Variants in CNTNAP2 observed in about 807,000 individuals in gnomAD.
The protein encoded by CNTNAP2 is contactin associated protein 2.
In CNTNAP2, 98 loss-of-function variants were observed where a neutral mutation model predicts 155.2. The ratio of observed to expected loss-of-function variants is 0.63; its 90% CI spans 0.54 to 0.75. The LOEUF (loss-of-function observed/expected upper bound fraction) is 0.75. Among genes scored for constraint, CNTNAP2 ranks in the 30% least tolerant of loss-of-function variants. The pLI is 0.00. For synonymous variants in CNTNAP2, 651 were observed against 631.2 expected (o/e 1.03, Z -0.47); for missense variants, 1,727 against 1,688.1 (o/e 1.02, Z -0.40).
intron 11 of CNTNAP2, among the ~76,000 whole-genome samples, chr7:147,547,613 T>C (rs1799763549): frequency 7.2e-6 from 1 of 138,698 alleles, no homozygotes. Flanking sequence ...TTTTTTGTTT[T>C]GTCTTTATTT....
rs143209794 is a variant in CNTNAP2, at chr7:147,274,233, G to T, written c.1349-25908G>T. Among the ~76,000 whole-genome samples, 437 of 152,122 alleles carry T rather than the reference G, an allele frequency of 2.9e-3. 3 individuals are homozygous for T. The highest frequency in any genetic ancestry group is 6.4e-3 in the East Asian group (33 of 5,166). On this transcript the variant is annotated intron_variant, in intron 8 of 23. Coordinates refer to ENST00000361727, the MANE Select transcript of CNTNAP2 (RefSeq NM_014141.6). The stretch of plus-strand genomic sequence containing the variant: ...TACATCTTTGAGAGGTCTCCGTATT[G>T]TTTTCCATAGAAGTTGTACTAATTT...
chr7:147,549,654 C>A (rs536216813), intron 11 of CNTNAP2, among the ~76,000 whole-genome samples: 1 of 152,272 alleles, frequency 6.6e-6, no homozygotes, highest in African/African-American at 2.4e-5. Flanking sequence ...AAGACCAATG[C>A]CTCCCATGGC....
intron 4 of CNTNAP2, among the ~76,000 whole-genome samples, chr7:147,093,096 C>T (rs1484621170): frequency 6.7e-6 from 1 of 150,126 alleles, no homozygotes; most frequent in Non-Finnish European, 1.5e-5. Context: ...TATATATTAG[C>T]CGGGCGTGGT....
At chr7:146,605,576 T>C (rs1349058465) in intron 1 of CNTNAP2, among the ~76,000 whole-genome samples, 1 of 152,134 alleles carries the variant, frequency 6.6e-6, no homozygotes, top group Non-Finnish European at 1.5e-5. Context: ...ATAAGAGAGG[T>C]ATGTAAACTC....
chr7:147,270,916 C>T (rs1345195075), intron 8 of CNTNAP2, among the ~76,000 whole-genome samples: 1 of 152,086 alleles, frequency 6.6e-6, no homozygotes, highest in Non-Finnish European at 1.5e-5. Context: ...TGTAGGGATT[C>T]GTAAGTCATT....
chr7:146,620,953 T>G (rs993178147), intron 1 of CNTNAP2, among the ~76,000 whole-genome samples: 8 of 152,308 alleles, frequency 5.3e-5, no homozygotes, highest in Middle Eastern at 3.4e-3. Flanking sequence ...TTATAAAATT[T>G]GTAATATTTA....
At chr7:148,175,781 G>A (rs896446017) in intron 18 of CNTNAP2, among the ~76,000 whole-genome samples, 14 of 152,076 alleles carry the variant, frequency 9.2e-5, no homozygotes, top group Non-Finnish European at 1.9e-4. Flanking sequence ...GGAGAATGGT[G>A]GGCAGACAGC....
chr7:147,376,797 C>G (rs1248562711), intron 9 of CNTNAP2, among the ~76,000 whole-genome samples: 3 of 151,960 alleles, frequency 2.0e-5, no homozygotes, highest in Non-Finnish European at 4.4e-5. Flanking sequence ...CAAATTCAGA[C>G]ACCAGCACCT....
intron 21 of CNTNAP2, among the ~76,000 whole-genome samples, chr7:148,310,522 G>T (rs1797576479): frequency 6.6e-6 from 1 of 152,220 alleles, no homozygotes; most frequent in African/African-American, 2.4e-5. Flanking sequence ...AATAGTAGAG[G>T]CAGAAAGTCC....
Position 148,277,845 on chromosome 7 carries a change from C to T in CNTNAP2, c.3475+10719C>T, listed in dbSNP as rs73170601. On this transcript the variant is annotated intron_variant, in intron 21 of 23. Transcript: ENST00000361727. ...TACTTCCTACAAAAAAAAAAAGCACCATCTAACAAATAGCTCCAAAACTCA... is the reference window on the plus strand; with the variant it reads ...TACTTCCTACAAAAAAAAAAAGCACTATCTAACAAATAGCTCCAAAACTCA... Among the ~76,000 whole-genome samples, 1,122 of 148,210 alleles carry T rather than the reference C, an allele frequency of 7.6e-3. 3 individuals carry two copies. The highest frequency in any genetic ancestry group is 0.02 in the South Asian group (93 of 4,720).
chr7:146,323,693 G>A (rs556134761), intron 1 of CNTNAP2, among the ~76,000 whole-genome samples: 3 of 152,136 alleles, frequency 2.0e-5, no homozygotes, highest in African/African-American at 7.2e-5. Context: ...AGAAACTATA[G>A]GACAAGCATA....
intron 4 of CNTNAP2, among the ~76,000 whole-genome samples, chr7:147,056,972 A>T (rs1028936140): frequency 6.9e-6 from 1 of 144,222 alleles, no homozygotes; most frequent in African/African-American, 2.6e-5. Flanking sequence ...AGATGGGGTT[A>T]TTTTTTTTTT....
At chr7:147,306,467 G>T (rs972212125) in intron 9 of CNTNAP2, among the ~76,000 whole-genome samples, 2 of 152,036 alleles carry the variant, frequency 1.3e-5, no homozygotes, top group African/African-American at 4.8e-5. Context: ...AGAATTGCAA[G>T]GAAACCAATT....
At chr7:148,094,430 T>A (rs565049756) in intron 15 of CNTNAP2, among the ~76,000 whole-genome samples, 1 of 152,220 alleles carries the variant, frequency 6.6e-6, no homozygotes, top group Admixed American at 6.5e-5. Flanking sequence ...TCCTTGCAGA[T>A]GGGGGGCAAA....
intron 1 of CNTNAP2, among the ~76,000 whole-genome samples, chr7:146,217,335 T>A (rs1799130269): frequency 6.6e-6 from 1 of 152,212 alleles, no homozygotes; most frequent in African/African-American, 2.4e-5. Flanking sequence ...CATCACATAC[T>A]CTTTATGACA....
chr7:147,738,061 C>A (rs1386245891), intron 13 of CNTNAP2, among the ~76,000 whole-genome samples: 1 of 152,144 alleles, frequency 6.6e-6, no homozygotes, highest in Admixed American at 6.5e-5. Flanking sequence ...GTGAGATGAA[C>A]CCAGTACCTC....
Position 147,071,364 on chromosome 7 carries a change from C to T in CNTNAP2, c.550+27310C>T, listed in dbSNP as rs577187407. Among the ~76,000 whole-genome samples the T allele has an allele frequency of 5.8e-4, 88 of 150,798 alleles. 1 individual carries two copies. Among genetic ancestry groups the T allele is most frequent in the African/African-American group, 2.0e-3 (81 of 40,606 alleles). On this transcript the variant is annotated intron_variant, in intron 4 of 23. Coordinates refer to ENST00000361727, the MANE Select transcript of CNTNAP2 (RefSeq NM_014141.6). ...AGATGTATACATTCCTCCAACCATA[C>T]TCTGTGGGAACAGCAGCAGGACTGC...
intron 14 of CNTNAP2, among the ~76,000 whole-genome samples, chr7:147,973,125 G>C (rs1241399645): frequency 7.2e-6 from 1 of 139,640 alleles, no homozygotes; most frequent in African/African-American, 2.7e-5. Flanking sequence ...CTGCACTCTG[G>C]CCTGGGCAAC....
At chr7:146,714,031 ATTATTC>A (rs1410906045) in intron 1 of CNTNAP2, among the ~76,000 whole-genome samples, 3 of 152,074 alleles carry the variant, frequency 2.0e-5, no homozygotes, top group African/African-American at 7.2e-5. Flanking sequence ...AAATTGACTC[ATTATTC>A]TTATTATTCT....
Sources: gnomAD v4.1 joint callset for allele counts (sites outside exome capture counted in the v4.1 genomes callset) on GRCh38, gnomAD v4.1.1 for gene constraint, MANE v1.5 for transcripts, NCBI Gene and HGNC (gene_info 2026-07-23, HGNC 2026-07-21) for gene names.